The following KLHL1 variants were observed in gnomAD, a reference collection of about 807,000 sequenced individuals.
The protein encoded by KLHL1 is kelch-like protein 1.
A neutral mutation model predicts 77.7 loss-of-function variants in KLHL1; 47 were observed. That is an observed-to-expected ratio of 0.60 (90% CI 0.48 to 0.77). The LOEUF (loss-of-function observed/expected upper bound fraction) is 0.77, where lower values mean the gene tolerates loss of function less well. Among genes scored for constraint, KLHL1 ranks in the 30% least tolerant of loss-of-function variants. KLHL1 has a pLI of 0.00. For synonymous variants in KLHL1, 360 were observed against 325.2 expected, an observed-to-expected ratio of 1.11 and a Z score of -1.15; for missense variants, 925 against 910.8, an observed-to-expected ratio of 1.02 and a Z score of -0.20.
chr13:69,928,505 C>G (rs1211382590), intron 4 of KLHL1, among the ~76,000 whole-genome samples: 1 of 152,112 alleles, frequency 6.6e-6, no homozygotes, highest in Non-Finnish European at 1.5e-5. Flanking sequence ...ATAAGGGGCC[C>G]AAAGTGTAAA....
At chr13:69,958,540 A>G (rs1427603080) in intron 3 of KLHL1, among the ~76,000 whole-genome samples, 1 of 151,892 alleles carries the variant, frequency 6.6e-6, no homozygotes, top group East Asian at 1.9e-4. Flanking sequence ...CTAACTTAAT[A>G]AGATAAATTA....
In KLHL1 at chr13:69,764,929, C is replaced by CTTTTTTTTTTTTTTTTTTTTTTTTTTT. The variant is rs71196263; in HGVS notation, c.1640-24400_1640-24374dup. Among the ~76,000 whole-genome samples the CTTTTTTTTTTTTTTTTTTTTTTTTTTT allele has an allele frequency of 2.0e-3, 78 of 39,724 alleles. 33 individuals are homozygous for CTTTTTTTTTTTTTTTTTTTTTTTTTTT. Among genetic ancestry groups the CTTTTTTTTTTTTTTTTTTTTTTTTTTT allele is most frequent in the Non-Finnish European group, 3.1e-3 (70 of 22,402 alleles). The allele number at this position is 39,724 out of a possible 152,430, so 26.1% of individuals were successfully genotyped here. The stretch of plus-strand genomic sequence containing the variant: ...TCTCATGCTTTCATGTATATCTTTG[C>CTTTTTTTTTTTTTTTTTTTTTTTTTTT]TTTTTTTTTTTTTTTTTTTTTTTTT... On this transcript the variant is annotated intron_variant, in intron 7 of 10. Transcript: ENST00000377844.
At chr13:70,008,308 G>A (rs1233789008) in intron 1 of KLHL1, among the ~76,000 whole-genome samples, 4 of 151,952 alleles carry the variant, frequency 2.6e-5, no homozygotes, top group Non-Finnish European at 5.9e-5. Flanking sequence ...AAAACTTCAA[G>A]TTGTTTCACT....
chr13:69,715,072 A>G (rs1876056935), intron 9 of KLHL1, among the ~76,000 whole-genome samples: 1 of 152,180 alleles, frequency 6.6e-6, no homozygotes, highest in Admixed American at 6.5e-5. Context: ...GTCGCTCCTC[A>G]TAAGCCATTG....
At chr13:69,963,857 G>T (rs1053580786) in intron 2 of KLHL1, among the ~76,000 whole-genome samples, 1 of 145,332 alleles carries the variant, frequency 6.9e-6, no homozygotes, top group Non-Finnish European at 1.5e-5. Flanking sequence ...TTCTTGTACT[G>T]TAAGTCTGAT....
chr13:69,953,555 G>A (rs1883778041), intron 3 of KLHL1, among the ~76,000 whole-genome samples: 1 of 151,072 alleles, frequency 6.6e-6, no homozygotes. Context: ...CTGACAATAT[G>A]ATATTGACTA....
intron 1 of KLHL1, among the ~76,000 whole-genome samples, chr13:70,015,116 A>G (rs1223479652): frequency 6.6e-6 from 1 of 152,150 alleles, no homozygotes; most frequent in African/African-American, 2.4e-5. Flanking sequence ...ACATATACAC[A>G]TATGGTCATG....
chr13:70,059,907 C>G (rs1886836697), intron 1 of KLHL1, among the ~76,000 whole-genome samples: 1 of 152,120 alleles, frequency 6.6e-6, no homozygotes, highest in African/African-American at 2.4e-5. Flanking sequence ...ATCATGGGAA[C>G]AGCAAGGGAG....
chr13:69,841,022 C>T lies in KLHL1; in HGVS notation c.1228-1860G>A, dbSNP rs186932752. 4.3e-3 allele frequency among the ~76,000 whole-genome samples: 653 copies of T among 151,844 alleles called. 3 individuals are homozygous for T. Among genetic ancestry groups the T allele is most frequent in the Non-Finnish European group, 6.6e-3 (450 of 67,906 alleles). On this transcript the variant is annotated intron_variant, in intron 5 of 10. Transcript: ENST00000377844. ...TCATGAATTCTCATTTTTCTTCTCT[C>T]CTTTTCACTCCTTTTGGGAAAATTT...
chr13:69,824,548 TA>T (rs1344315494), intron 6 of KLHL1, among the ~76,000 whole-genome samples: 1 of 152,044 alleles, frequency 6.6e-6, no homozygotes, highest in African/African-American at 2.4e-5. Flanking sequence ...GGAGAATGGA[TA>T]AACAGATTAC....
chr13:69,720,955 A>C, intron 8 of KLHL1, among the ~76,000 whole-genome samples: 1 of 134,824 alleles, frequency 7.4e-6, no homozygotes. Context: ...GTGAAAGGAA[A>C]ATAAATCCTG....
intron 6 of KLHL1, among the ~76,000 whole-genome samples, chr13:69,809,757 G>C (rs754478371): frequency 2.2e-4 from 33 of 151,528 alleles, no homozygotes; most frequent in Admixed American, 2.0e-3. Context: ...AGGTAAATTG[G>C]ATTAAAAAAA....
chr13:69,844,295 T>C (rs1050189594), intron 5 of KLHL1, among the ~76,000 whole-genome samples: 2 of 151,654 alleles, frequency 1.3e-5, no homozygotes, highest in African/African-American at 4.8e-5. Flanking sequence ...ATGTGTCTTG[T>C]ATTTAATAAA....
intron 6 of KLHL1, chr13:69,802,819 G>T (rs955694207): frequency 6.6e-6 from 1 of 152,148 alleles, no homozygotes; most frequent in Non-Finnish European, 1.5e-5. Flanking sequence ...GATGCTCCCG[G>T]CTGAATAAAC....
At chr13:69,805,801 A>C (rs1223749507) in intron 6 of KLHL1, among the ~76,000 whole-genome samples, 1 of 151,246 alleles carries the variant, frequency 6.6e-6, no homozygotes, top group South Asian at 2.1e-4. Flanking sequence ...TACTTATTTC[A>C]TAATTTATTA....
In KLHL1 at chr13:69,815,199, C is replaced by A. The variant is rs557309330; in HGVS notation, c.1415-18237G>T. Among the ~76,000 whole-genome samples, 10 of 152,278 alleles carry A rather than the reference C, an allele frequency of 6.6e-5. No individual in the cohort carries two copies. The South Asian group carries it at 1.0e-3, about 16-fold the overall frequency. On this transcript the variant is annotated intron_variant, in intron 6 of 10. Coordinates refer to ENST00000377844, the MANE Select transcript of KLHL1 (RefSeq NM_020866.3). ...AGTATTTAACCAAGCAATCTCATTACTGGGTATATACCCAAAGGAAAAGAA... is the reference window on the plus strand; with the variant it reads ...AGTATTTAACCAAGCAATCTCATTAATGGGTATATACCCAAAGGAAAAGAA...
At chr13:70,097,942 A>G (rs1286066783) in intron 1 of KLHL1, among the ~76,000 whole-genome samples, 2 of 151,282 alleles carry the variant, frequency 1.3e-5, no homozygotes, top group East Asian at 1.9e-4. Flanking sequence ...ATATTGTCAG[A>G]TTATTAAATA....
chr13:70,079,215 T>TTA (rs1170992693), intron 1 of KLHL1, among the ~76,000 whole-genome samples: 1 of 152,118 alleles, frequency 6.6e-6, no homozygotes, highest in African/African-American at 2.4e-5. Context: ...TCCATGGTAG[T>TTA]TATACCTGGT....
Position 69,886,352 on chromosome 13 carries a change from C to T in KLHL1, c.1015-3857G>A, listed in dbSNP as rs1382930304. 4.9e-5 allele frequency among the ~76,000 whole-genome samples: 7 copies of T among 141,972 alleles called. No individual in the cohort carries two copies. In the East Asian group the frequency reaches 1.5e-3, roughly 30 times the overall value. 93.1% of individuals were successfully genotyped at this position (141,972 alleles called of 152,430 possible). Reference sequence around the variant, plus strand: ...CTAAAACAATGTAGTTTTGTTTTATCCTGAATAGACAGAAGTTTTGCACCA... The same window carrying T: ...CTAAAACAATGTAGTTTTGTTTTATTCTGAATAGACAGAAGTTTTGCACCA... On this transcript the variant is annotated intron_variant, in intron 4 of 10. Coordinates refer to ENST00000377844, the MANE Select transcript of KLHL1 (RefSeq NM_020866.3).
Sources: gnomAD v4.1 joint callset for allele counts (sites outside exome capture counted in the v4.1 genomes callset) on GRCh38, gnomAD v4.1.1 for gene constraint, MANE v1.5 for transcripts, NCBI Gene and HGNC (gene_info 2026-07-23, HGNC 2026-07-21) for gene names.